DLC1: variants seen among roughly 807,000 people sequenced by gnomAD.
DLC1 encodes rho GTPase-activating protein 7.
A neutral mutation model predicts 140.3 loss-of-function variants in DLC1; 54 were observed. That is an observed-to-expected ratio of 0.38 (90% CI 0.31 to 0.48). The LOEUF is 0.48. DLC1 is among the 20% of genes least tolerant of loss of function. The pLI is 0.96. For missense variants in DLC1, 2,536 were observed against 1,907.0 expected (o/e 1.33, Z -6.14); for synonymous variants, 986 against 728.1 (o/e 1.35, Z -5.70).
chr8:13,347,163 C>A (rs149886041), intron 4 of DLC1, among the ~76,000 whole-genome samples: 3 of 152,072 alleles, frequency 2.0e-5, no homozygotes, highest in African/African-American at 7.2e-5. Context: ...AATATGTTCC[C>A]CTTTGGAAAA....
chr8:13,478,887 C>G (rs1440898572), intron 2 of DLC1, among the ~76,000 whole-genome samples: 5 of 152,172 alleles, frequency 3.3e-5, no homozygotes, highest in African/African-American at 1.2e-4. Flanking sequence ...GCAGATGCTC[C>G]CACAAAAACT....
intron 5 of DLC1, among the ~76,000 whole-genome samples, chr8:13,128,541 C>T (rs1585712935): frequency 1.3e-5 from 2 of 152,308 alleles, no homozygotes; most frequent in East Asian, 3.9e-4. Flanking sequence ...ACTAAGAAAA[C>T]ATATGGGCTT....
At chr8:13,584,769 G>C (rs552142796) in intron 1 of DLC1, among the ~76,000 whole-genome samples, 2 of 152,108 alleles carry the variant, frequency 1.3e-5, no homozygotes, top group African/African-American at 4.8e-5. Context: ...AAAACTTTTC[G>C]CTGGTTCAAC....
chr8:13,468,123 T>G (rs1800025871), intron 2 of DLC1, among the ~76,000 whole-genome samples: 1 of 152,198 alleles, frequency 6.6e-6, no homozygotes, highest in Non-Finnish European at 1.5e-5. Context: ...TATAGAAGAA[T>G]TTTAAACACT....
At chr8:13,269,978 A>T (rs917355121) in intron 5 of DLC1, among the ~76,000 whole-genome samples, 2 of 150,066 alleles carry the variant, frequency 1.3e-5, no homozygotes, top group African/African-American at 4.9e-5. Context: ...AATGGTGTGA[A>T]CCCGGGAGGT....
chr8:13,153,574 T>G (rs1824008683), intron 5 of DLC1, among the ~76,000 whole-genome samples: 1 of 152,220 alleles, frequency 6.6e-6, no homozygotes, highest in Non-Finnish European at 1.5e-5. Context: ...TCCTGCTGAT[T>G]GGTCCATTTT....
At chr8:13,409,247 A>G (rs961474374) in intron 2 of DLC1, among the ~76,000 whole-genome samples, 2 of 152,170 alleles carry the variant, frequency 1.3e-5, no homozygotes, top group Non-Finnish European at 2.9e-5. Flanking sequence ...ATAATCTGAT[A>G]TATTTCTAAC....
intron 1 of DLC1, among the ~76,000 whole-genome samples, chr8:13,583,168 T>C (rs1805176123): frequency 6.6e-6 from 1 of 152,052 alleles, no homozygotes; most frequent in Non-Finnish European, 1.5e-5. Context: ...CTTCCTTTTA[T>C]GAAAGATTTC....
In DLC1 at chr8:13,401,520, T is replaced by C; in HGVS notation, c.1123A>G (p.Thr375Ala). The part of the protein sequence containing the change: ...LDQDIENALS[T>A]SSSPSGTPTN... ...GGTGTGCCTGATGGAGAGGAGCTGG[T>C]GCTGAGGGCATTTTCTATGTCCTGA... The change falls in exon 3 of 18, where the codon ACC (threonine) becomes GCC (alanine). Residue 375 changes from threonine (T) to alanine (A), a missense_variant. By Grantham distance (58) the Thr-to-Ala change is moderately conservative (BLOSUM62 0). Transcript: ENST00000276297. The C allele has an allele frequency of 6.2e-7, 1 of 1,613,130 alleles. No homozygotes were observed. The highest frequency in any genetic ancestry group is 8.5e-7 in the Non-Finnish European group (1 of 1,180,008).
intron 4 of DLC1, among the ~76,000 whole-genome samples, chr8:13,334,006 A>T: frequency 6.6e-6 from 1 of 152,164 alleles, no homozygotes; most frequent in East Asian, 1.9e-4. Context: ...GCCTAACGAC[A>T]TGGAAAACAA....
chr8:13,369,329 G>A (rs556751205), intron 4 of DLC1, among the ~76,000 whole-genome samples: 7 of 134,898 alleles, frequency 5.2e-5, no homozygotes, highest in Non-Finnish European at 1.1e-4. Flanking sequence ...TCATAGTCTC[G>A]CACGTCCAGT....
At chr8:13,351,540 C>G (rs1166910865) in intron 4 of DLC1, among the ~76,000 whole-genome samples, 1 of 152,124 alleles carries the variant, frequency 6.6e-6, no homozygotes, top group African/African-American at 2.4e-5. Flanking sequence ...TATATTGTGA[C>G]CCATAAAAAT....
intron 5 of DLC1, among the ~76,000 whole-genome samples, chr8:13,289,467 T>C (rs543615580): frequency 5.9e-5 from 9 of 152,150 alleles, no homozygotes; most frequent in Admixed American, 2.6e-4. Context: ...GCTGGGATTA[T>C]AGACAGGTGT....
In DLC1 at chr8:13,188,777, A is replaced by ATGTGTGTG. The variant is rs201849073; in HGVS notation, c.1349-73128_1349-73121dup. Among the ~76,000 whole-genome samples, 59 of 108,850 alleles carry ATGTGTGTG rather than the reference A, an allele frequency of 5.4e-4. 2 individuals are homozygous for ATGTGTGTG. Among genetic ancestry groups the ATGTGTGTG allele is most frequent in the African/African-American group, 2.2e-3 (55 of 24,994 alleles). 71.4% of individuals were successfully genotyped at this position (108,850 alleles called of 152,430 possible). A position where few individuals can be genotyped will look rare whatever the true frequency, so the allele number is the denominator to read the frequency against. ...AGGCATGTGCCACCATGCCCAGCTA[A>ATGTGTGTG]TGTGTGTGTGTGTGTGTGTGTGTGT... On this transcript the variant is annotated intron_variant, in intron 5 of 17. Transcript: ENST00000276297.
intron 1 of DLC1, chr8:13,568,348 C>T (rs541723051): frequency 5.5e-6 from 1 of 183,228 alleles, no homozygotes; most frequent in East Asian, 1.7e-4. Flanking sequence ...GACAGGAACA[C>T]CAGAAGAGGA....
At chr8:13,592,980 T>G (rs1417225530) in intron 1 of DLC1, among the ~76,000 whole-genome samples, 1 of 152,110 alleles carries the variant, frequency 6.6e-6, no homozygotes, top group Non-Finnish European at 1.5e-5. Flanking sequence ...TCCAAATATT[T>G]CCAAGCCTAA....
At chr8:13,154,411 C>T (rs910652114) in intron 5 of DLC1, among the ~76,000 whole-genome samples, 19 of 152,208 alleles carry the variant, frequency 1.2e-4, no homozygotes, top group African/African-American at 3.4e-4. Flanking sequence ...CTGGGGGACC[C>T]GGCGCCCCCT....
chr8:13,097,724 T>C (rs1818623507), intron 10 of DLC1, among the ~76,000 whole-genome samples: 1 of 152,150 alleles, frequency 6.6e-6, no homozygotes, highest in East Asian at 1.9e-4. Flanking sequence ...TGGATTATTC[T>C]TAATATTGGG....
At chr8:13,579,865 ATGT>A (rs1251468963) in intron 1 of DLC1, among the ~76,000 whole-genome samples, 1 of 151,608 alleles carries the variant, frequency 6.6e-6, no homozygotes, top group Non-Finnish European at 1.5e-5. Flanking sequence ...CATATATTAC[ATGT>A]TGTATCAGTG....
Sources: gnomAD v4.1 joint callset for allele counts (sites outside exome capture counted in the v4.1 genomes callset) on GRCh38, gnomAD v4.1.1 for gene constraint, MANE v1.5 for transcripts, NCBI Gene and HGNC (gene_info 2026-07-23, HGNC 2026-07-21) for gene names.